TENT5D: variants seen among roughly 807,000 people sequenced by gnomAD.
The protein encoded by TENT5D is terminal nucleotidyltransferase 5D.
For missense variants in TENT5D, 191 were observed against 287.0 expected, an observed-to-expected ratio of 0.67 and a Z score of 2.42; for synonymous variants, 103 against 100.6, an observed-to-expected ratio of 1.02 and a Z score of -0.15.
At position 80,421,633 on chromosome X, in the gene TENT5D, G is replaced by A. The variant is rs982910369; in HGVS notation, c.-142+1070G>A. Among the ~76,000 whole-genome samples the A allele has an allele frequency of 1.8e-5, 2 of 112,143 alleles. 1 individual carries two copies. Among genetic ancestry groups the A allele is most frequent in the Admixed American group, 1.9e-4 (2 of 10,591 alleles). On this transcript the variant is annotated intron_variant, in intron 1 of 2. Transcript: ENST00000308293. ...ATTAAGCCAATTGTATTTTAAAATAGCAAAGACTGCATTTTGAAATTGTTT... is the reference window on the plus strand; with the variant it reads ...ATTAAGCCAATTGTATTTTAAAATAACAAAGACTGCATTTTGAAATTGTTT...
chrX:80,403,985 C>T (rs1321087899), intron 3 of TENT5D, among the ~76,000 whole-genome samples: 6 of 111,190 alleles, frequency 5.4e-5, no homozygotes, highest in Non-Finnish European at 1.1e-4. Context: ...TGGTTTGGTC[C>T]GGTAAGGTGG....
At chrX:80,416,119 G>A (rs1384055539), upstream of TENT5D, among the ~76,000 whole-genome samples, 1 of 108,520 alleles carries the variant, frequency 9.2e-6, no homozygotes, top group South Asian at 3.9e-4. Context: ...TTGTATTTCT[G>A]TTGGGTCAGT....
At chrX:80,361,514 G>A (rs1334355585) in intron 3 of TENT5D, among the ~76,000 whole-genome samples, 2 of 111,651 alleles carry the variant, frequency 1.8e-5, no homozygotes, top group Non-Finnish European at 3.8e-5. Flanking sequence ...TTTTTGATAT[G>A]TTTTTATCAT....
At chrX:80,355,949 A>G (rs1930275648) in intron 3 of TENT5D, among the ~76,000 whole-genome samples, 1 of 111,849 alleles carries the variant, frequency 8.9e-6, no homozygotes, top group Non-Finnish European at 1.9e-5. Context: ...AACTCCCAGT[A>G]CCTGCAGTTC....
At chrX:80,403,852 C>T (rs1249272978) in intron 3 of TENT5D, among the ~76,000 whole-genome samples, 1 of 111,781 alleles carries the variant, frequency 8.9e-6, no homozygotes, top group Non-Finnish European at 1.9e-5. Context: ...TTTATTTTGC[C>T]AAGGTTAAGA....
chrX:80,422,678 A>C (rs1320201339), intron 1 of TENT5D, among the ~76,000 whole-genome samples: 2 of 110,771 alleles, frequency 1.8e-5, no homozygotes, highest in East Asian at 5.7e-4. Context: ...AGCTATGAAC[A>C]GAAGTTTTTT....
At chrX:80,380,366 G>T (rs182309122) in intron 3 of TENT5D, among the ~76,000 whole-genome samples, 8 of 111,073 alleles carry the variant, frequency 7.2e-5, no homozygotes, top group Middle Eastern at 9.4e-3. Flanking sequence ...CCTGAGGAGT[G>T]CTTTGCTTCC....
intron 3 of TENT5D, among the ~76,000 whole-genome samples, chrX:80,405,802 G>A (rs1480097356): frequency 8.9e-6 from 1 of 112,686 alleles, no homozygotes; most frequent in Non-Finnish European, 1.9e-5. Flanking sequence ...CTGGGGGCAG[G>A]GCACAGACAA....
chrX:80,359,770 G>T (rs1277681157), intron 3 of TENT5D, among the ~76,000 whole-genome samples: 3 of 111,428 alleles, frequency 2.7e-5, no homozygotes, highest in Non-Finnish European at 5.7e-5. Context: ...GTGTATCCTA[G>T]AACTTAAACT....
chrX:80,442,499 C>A, intron 2 of TENT5D, 23 bp from the exon 3 acceptor site: 1 of 1,080,811 alleles, frequency 9.3e-7, no homozygotes, highest in East Asian at 3.1e-5. Flanking sequence ...ATATTTCTTC[C>A]CAATATTTTG....
At chrX:80,400,847 ATC>A (rs1569367140) in intron 3 of TENT5D, among the ~76,000 whole-genome samples, 1 of 111,444 alleles carries the variant, frequency 9.0e-6, no homozygotes, top group South Asian at 3.8e-4. Context: ...AGGTAGTATG[ATC>A]TCTCCAGCTT....
intron 3 of TENT5D, among the ~76,000 whole-genome samples, chrX:80,357,164 T>A (rs144189807): frequency 0.017 from 1,891 of 112,104 alleles, 41 homozygotes; most frequent in African/African-American, 0.058. Context: ...TCTATCATTG[T>A]TGGACATTTG....
At chrX:80,375,919 C>G (rs1262014175) in intron 3 of TENT5D, among the ~76,000 whole-genome samples, 1 of 111,519 alleles carries the variant, frequency 9.0e-6, no homozygotes, top group East Asian at 2.8e-4. Context: ...GGAATACCTG[C>G]TTGTAATAAG....
At chrX:80,372,344 CTTT>C (rs910713487) in intron 3 of TENT5D, among the ~76,000 whole-genome samples, 1 of 111,385 alleles carries the variant, frequency 9.0e-6, no homozygotes, top group African/African-American at 3.3e-5. Flanking sequence ...TGGGTAGAGA[CTTT>C]AGAGAATTTT....
At chrX:80,346,449 T>A (rs1432698487) in intron 3 of TENT5D, among the ~76,000 whole-genome samples, 1 of 112,154 alleles carries the variant, frequency 8.9e-6, no homozygotes, top group Non-Finnish European at 1.9e-5. Context: ...TCTTGCATTC[T>A]TACCAGCACT....
At chrX:80,386,591 A>G (rs1251034793) in intron 3 of TENT5D, among the ~76,000 whole-genome samples, 2 of 111,902 alleles carry the variant, frequency 1.8e-5, no homozygotes, top group African/African-American at 3.2e-5. Context: ...AAAAAATAAA[A>G]TAGCAAAACT....
At chrX:80,350,744 C>T in intron 3 of TENT5D, among the ~76,000 whole-genome samples, 1 of 111,616 alleles carries the variant, frequency 9.0e-6, no homozygotes, top group South Asian at 3.8e-4. Context: ...TTCATAGTGT[C>T]ATTGGTCTTT....
At chrX:80,410,338 T>G (rs1295948082) in intron 3 of TENT5D, among the ~76,000 whole-genome samples, 37 of 87,448 alleles carry the variant, frequency 4.2e-4, no homozygotes, top group Non-Finnish European at 7.6e-4. Flanking sequence ...TTTCACAACC[T>G]ACTCATCTGA....
At chrX:80,397,338 C>T (rs1388843063) in intron 3 of TENT5D, among the ~76,000 whole-genome samples, 8 of 107,117 alleles carry the variant, frequency 7.5e-5, no homozygotes, top group Non-Finnish European at 1.4e-4. Context: ...GATGGGCGGC[C>T]GGGCAGAGAT....
Sources: allele counts gnomAD v4.1 joint callset (sites outside exome capture counted in the v4.1 genomes callset), GRCh38; gene constraint gnomAD v4.1.1; transcripts MANE v1.5; gene names NCBI Gene and HGNC (gene_info 2026-07-23, HGNC 2026-07-21).